SGCG: variants seen among roughly 807,000 people sequenced by gnomAD.
SGCG encodes the protein gamma-sarcoglycan.
A neutral mutation model predicts 29.3 loss-of-function variants in SGCG; 26 were observed. The observed-to-expected ratio is 0.89, with a 90% confidence interval of 0.65 to 1.23. SGCG has a LOEUF of 1.23. Ranked by LOEUF, SGCG falls within the 50% of genes most tolerant of loss-of-function variation. The pLI, the probability that SGCG is intolerant of heterozygous loss-of-function variation, is 0.00. For synonymous variants in SGCG, 145 were observed against 129.7 expected, an observed-to-expected ratio of 1.12 and a Z score of -0.80; for missense variants, 353 against 356.0, an observed-to-expected ratio of 0.99 and a Z score of 0.07.
chr13:23,178,687 C>T (rs756947692), upstream of SGCG, among the ~76,000 whole-genome samples: 1 of 152,190 alleles, frequency 6.6e-6, no homozygotes, highest in Non-Finnish European at 1.5e-5. Context: ...TCTCATTCCC[C>T]TATTTCCACA....
chr13:23,294,091 A>T (rs1881818466), intron 5 of SGCG, among the ~76,000 whole-genome samples: 1 of 152,184 alleles, frequency 6.6e-6, no homozygotes, highest in Non-Finnish European at 1.5e-5. Flanking sequence ...GAAAGTGCAC[A>T]GTGTGAGGAT....
chr13:23,216,033 C>T (rs1878414312), intron 2 of SGCG, among the ~76,000 whole-genome samples: 1 of 152,078 alleles, frequency 6.6e-6, no homozygotes, highest in Admixed American at 6.6e-5. Flanking sequence ...AGCAATGAAA[C>T]ATATTAGAAT....
intron 2 of SGCG, among the ~76,000 whole-genome samples, chr13:23,223,195 A>C (rs553214356): frequency 2.0e-5 from 3 of 148,712 alleles, no homozygotes; most frequent in Non-Finnish European, 4.5e-5. Flanking sequence ...GGAGAATGGC[A>C]TGAACCTGGA....
At chr13:23,213,691 T>C (rs1878318915) in intron 2 of SGCG, among the ~76,000 whole-genome samples, 1 of 152,234 alleles carries the variant, frequency 6.6e-6, no homozygotes, top group Admixed American at 6.5e-5. Flanking sequence ...TTAAAAAACT[T>C]ACTGTGATAG....
chr13:23,161,915 A>G, the SGCG span, among the ~76,000 whole-genome samples: 2 of 152,238 alleles, frequency 1.3e-5, no homozygotes, highest in Admixed American at 1.3e-4. Flanking sequence ...TGATACACTT[A>G]ACACCGTGGC....
intron 1 of SGCG, among the ~76,000 whole-genome samples, chr13:23,197,983 T>C (rs1050828142): frequency 2.6e-5 from 4 of 152,164 alleles, no homozygotes; most frequent in Admixed American, 1.3e-4. Context: ...AAAAAAGCTT[T>C]GTAGATACGT....
chr13:23,320,707 A>G lies in SGCG; in HGVS notation c.649A>G (p.Lys217Glu), dbSNP rs1325816562. Reference sequence around the variant, plus strand: ...TGTGCATATTCAAGCTCACGCTGGGAAAATTGAGGCGCTTTCTCAAATGGA... The same window carrying G: ...TGTGCATATTCAAGCTCACGCTGGGGAAATTGAGGCGCTTTCTCAAATGGA... ...RGVHIQAHAG[K>E]IEALSQMDIL... is the part of the protein sequence containing the mutation. The change falls in exon 7 of 8, where the codon AAA (lysine) becomes GAA (glutamate). Residue 217 changes from lysine to glutamate, a missense_variant. Lys to Glu is a moderately conservative substitution (Grantham distance 56). Transcript: ENST00000218867. 1 of 1,612,164 alleles carries G rather than the reference A, an allele frequency of 6.2e-7. No individual in the cohort carries two copies. Among genetic ancestry groups the G allele is most frequent in the African/African-American group, 1.3e-5 (1 of 74,498 alleles).
In SGCG at chr13:23,305,220, A is replaced by G. The variant is rs73441080; in HGVS notation, c.578+9733A>G. Among the ~76,000 whole-genome samples the G allele has an allele frequency of 5.4e-3, 830 of 152,298 alleles. 6 individuals are homozygous for G. Among genetic ancestry groups the G allele is most frequent in the African/African-American group, 0.019 (782 of 41,568 alleles). ...CAGGGGGTGTCTTTCCATTTGTTCA[A>G]AGCTACTTCTATACCTCTCAGGAGC... On this transcript the variant is annotated intron_variant, in intron 6 of 7. Transcript: ENST00000218867.
intron 3 of SGCG, chr13:23,245,091 C>T (rs1393493982): frequency 1.3e-5 from 2 of 152,334 alleles, no homozygotes; most frequent in African/African-American, 4.8e-5. Flanking sequence ...CTTTCTCCTC[C>T]TTCTCCTCCC....
At chr13:23,303,102 T>C (rs1284893831) in intron 6 of SGCG, among the ~76,000 whole-genome samples, 1 of 152,240 alleles carries the variant, frequency 6.6e-6, no homozygotes, top group Non-Finnish European at 1.5e-5. Flanking sequence ...CTGTCACCAA[T>C]TTTTTAATTT....
intron 4 of SGCG, among the ~76,000 whole-genome samples, chr13:23,276,347 G>A (rs1881064840): frequency 6.6e-6 from 1 of 151,714 alleles, no homozygotes. Flanking sequence ...TCACCGCTAT[G>A]CCTTTGCTCA....
chr13:23,299,678 T>C (rs1297576591), intron 6 of SGCG, among the ~76,000 whole-genome samples: 2 of 151,356 alleles, frequency 1.3e-5, no homozygotes, highest in Admixed American at 6.6e-5. Context: ...GGTCTTGACC[T>C]CCTGACCTCG....
intron 5 of SGCG, among the ~76,000 whole-genome samples, chr13:23,282,018 G>A (rs77886323): frequency 1.3e-5 from 2 of 152,250 alleles, no homozygotes; most frequent in East Asian, 1.9e-4. Flanking sequence ...CTCCTCTGAG[G>A]TGCAGCTAAC....
At position 23,279,492 on chromosome 13, in the gene SGCG, C is replaced by T. The variant is rs1432691963; in HGVS notation, c.505+14C>T. The T allele has an allele frequency of 1.2e-6, 2 of 1,610,470 alleles. No homozygotes were observed. Among genetic ancestry groups the T allele is most frequent in the Non-Finnish European group, 1.7e-6 (2 of 1,177,744 alleles). ...TTCGAGTAACTGGTATGTACTAACT[C>T]GAGAAAAACACAACATTCCATGGAG... On this transcript the variant is annotated intron_variant, in intron 5 of 7. Coordinates refer to ENST00000218867, the MANE Select transcript of SGCG (RefSeq NM_000231.3).
intron 2 of SGCG, among the ~76,000 whole-genome samples, chr13:23,215,809 AAAAACT>A (rs1021899508): frequency 3.3e-5 from 5 of 152,072 alleles, no homozygotes; most frequent in South Asian, 2.1e-4. Flanking sequence ...TTAAAAAAAA[AAAAACT>A]AAAACAAAGA....
At chr13:23,216,210 C>T (rs1878422162) in intron 2 of SGCG, among the ~76,000 whole-genome samples, 1 of 152,070 alleles carries the variant, frequency 6.6e-6, no homozygotes, top group African/African-American at 2.4e-5. Flanking sequence ...TATTCAAGTC[C>T]CATTCAGAAC....
At chr13:23,240,159 G>A (rs1879452775) in intron 3 of SGCG, among the ~76,000 whole-genome samples, 1 of 152,118 alleles carries the variant, frequency 6.6e-6, no homozygotes, top group Non-Finnish European at 1.5e-5. Context: ...CTAATTAAAA[G>A]AAAATTGGAG....
chr13:23,294,059 AC>A (rs1881817222), intron 5 of SGCG, among the ~76,000 whole-genome samples: 1 of 152,054 alleles, frequency 6.6e-6, no homozygotes, highest in Non-Finnish European at 1.5e-5. Context: ...CAAGTCGGGG[AC>A]CCTCTGTATT....
At chr13:23,322,771 T>TCCCCCCC (rs79538128) in intron 7 of SGCG, among the ~76,000 whole-genome samples, 2 of 59,856 alleles carry the variant, frequency 3.3e-5, no homozygotes, top group Admixed American at 1.9e-4. Flanking sequence ...CCCATCCACC[T>TCCCCCCC]CCCCCCCCCC....
Sources: allele counts gnomAD v4.1 joint callset (sites outside exome capture counted in the v4.1 genomes callset), GRCh38; gene constraint gnomAD v4.1.1; transcripts MANE v1.5; gene names NCBI Gene and HGNC (gene_info 2026-07-23, HGNC 2026-07-21).